The following SORCS2 variants were observed in gnomAD, a reference collection of about 807,000 sequenced individuals.
SORCS2 encodes the protein sortilin related VPS10 domain containing receptor 2.
A neutral mutation model predicts 141.6 loss-of-function variants in SORCS2; 100 were observed. The ratio of observed to expected loss-of-function variants is 0.71; its 90% CI spans 0.60 to 0.83. The LOEUF (loss-of-function observed/expected upper bound fraction) is 0.83. Among genes scored for constraint, SORCS2 ranks in the 40% least tolerant of loss-of-function variants. SORCS2 has a pLI of 0.00. For missense variants in SORCS2, 1,646 were observed against 1,560.2 expected (o/e 1.05, Z -0.93); for synonymous variants, 789 against 676.9 (o/e 1.17, Z -2.57).
chr4:7,739,832 A>T (rs1464608659), intron 26 of SORCS2, among the ~76,000 whole-genome samples: 1 of 151,708 alleles, frequency 6.6e-6, no homozygotes, highest in African/African-American at 2.4e-5. Context: ...GGGCCTCGCC[A>T]CTCTACGCCC....
At chr4:7,730,501 C>T (rs1475687615) in intron 23 of SORCS2, among the ~76,000 whole-genome samples, 1 of 152,218 alleles carries the variant, frequency 6.6e-6, no homozygotes, top group Non-Finnish European at 1.5e-5. Flanking sequence ...TGCTCATCGG[C>T]TGCTGAAGAA....
rs768479916 is a variant in SORCS2 at position 7,661,517 on chromosome 4, A to G, written c.905A>G (p.Asp302Gly). Residue 302 changes from aspartate to glycine, a missense_variant, in exon 6 of 27, where the codon GAC becomes GGC. By Grantham distance (94) the Asp-to-Gly change is moderately conservative. Coordinates refer to ENST00000507866, the MANE Select transcript of SORCS2 (RefSeq NM_020777.3). ...DHVFWSVSGV[D>G]ADPDLVHVEA... ...TTTTCCAGGTCTGTGTCTGGGGTGG[A>G]CGCTGACCCTGACTTGGTCCACGTG... The G allele has an allele frequency of 7.7e-6, 12 of 1,551,532 alleles. No individual in the cohort carries two copies. In the South Asian group the frequency reaches 1.3e-4, roughly 17 times the overall value.
In SORCS2 at chr4:7,704,230, C is replaced by G; in HGVS notation, c.1814C>G (p.Ser605Trp). 6.2e-7 allele frequency: 1 copy of G among 1,613,118 alleles called. No individual in the cohort carries two copies. Among genetic ancestry groups the G allele is most frequent in the Non-Finnish European group, 8.5e-7 (1 of 1,179,660 alleles). Residue 605 changes from serine (S) to tryptophan (W), a missense_variant, in exon 14 of 27, where the codon TCG (serine) becomes TGG (tryptophan). By Grantham distance (177) the Ser-to-Trp change is radical. Transcript: ENST00000507866. Reference sequence around the variant, plus strand: ...AGCACGCACAACTTCACCAGCACCTCGGTGTTTGTGGACGGGCTGCTGAGT... The same window carrying G: ...AGCACGCACAACTTCACCAGCACCTGGGTGTTTGTGGACGGGCTGCTGAGT... ...TWSTHNFTST[S>W]VFVDGLLSEP...
intron 2 of SORCS2, among the ~76,000 whole-genome samples, chr4:7,507,772 T>C (rs981161899): frequency 9.9e-5 from 15 of 152,222 alleles, no homozygotes; most frequent in African/African-American, 3.6e-4. Context: ...AGGCATGCTG[T>C]GTCTCTCATG....
At chr4:7,422,088 C>T (rs7694697) in intron 2 of SORCS2, among the ~76,000 whole-genome samples, 21,915 of 152,190 alleles carry the variant, frequency 0.14, 1,794 homozygotes, top group East Asian at 0.33. Flanking sequence ...CCCTGCATTT[C>T]GGAAAACCAA....
intron 23 of SORCS2, among the ~76,000 whole-genome samples, chr4:7,730,528 C>A (rs909468218): frequency 6.6e-6 from 1 of 152,208 alleles, no homozygotes; most frequent in Non-Finnish European, 1.5e-5. Context: ...TGTGGTCCAA[C>A]CTTACAATGG....
intron 9 of SORCS2, among the ~76,000 whole-genome samples, chr4:7,676,911 TCTCCCTC>T (rs1560475904): frequency 7.6e-5 from 2 of 26,212 alleles, no homozygotes; most frequent in African/African-American, 2.4e-4. Context: ...TCTCTCCCTC[TCTCCCTC>T]TCTCCCTCTC....
intron 3 of SORCS2, among the ~76,000 whole-genome samples, chr4:7,567,644 T>C (rs1715117746): frequency 6.6e-6 from 1 of 152,134 alleles, no homozygotes; most frequent in African/African-American, 2.4e-5. Flanking sequence ...TTCTCCACCA[T>C]AGAGTTTCTC....
rs746518441 is a variant in SORCS2, at chr4:7,654,223, C to T, written c.887+16C>T. The T allele has an allele frequency of 6.4e-7, 1 of 1,565,370 alleles. No homozygotes were observed. The highest frequency in any genetic ancestry group is 1.2e-5 in the South Asian group (1 of 85,086). ...ACGTGTTCTGGTGAGAGCACTTCCCCACCCCAAACCCATGGGGCCCGCAGC... is the reference window on the plus strand; with the variant it reads ...ACGTGTTCTGGTGAGAGCACTTCCCTACCCCAAACCCATGGGGCCCGCAGC... On this transcript the variant is annotated intron_variant, in intron 5 of 26. Coordinates refer to ENST00000507866, the MANE Select transcript of SORCS2 (RefSeq NM_020777.3).
chr4:7,381,099 G>C (rs1035760208), intron 1 of SORCS2, among the ~76,000 whole-genome samples: 1 of 115,652 alleles, frequency 8.6e-6, no homozygotes, highest in Non-Finnish European at 1.9e-5. Flanking sequence ...AAAAAAAAAA[G>C]GAGTGGGTTA....
intron 2 of SORCS2, among the ~76,000 whole-genome samples, chr4:7,516,065 G>T (rs28401245): frequency 0.055 from 8,318 of 152,268 alleles, 535 homozygotes; most frequent in African/African-American, 0.16. Context: ...GGGCACTGTG[G>T]TGCTCATTCA....
intron 1 of SORCS2, among the ~76,000 whole-genome samples, chr4:7,199,267 C>T (rs752850003): frequency 6.6e-6 from 1 of 152,154 alleles, no homozygotes; most frequent in Admixed American, 6.5e-5. Context: ...CAGAGAGCCC[C>T]AGGGATGCAA....
chr4:7,590,589 G>C (rs1164190279), intron 3 of SORCS2, among the ~76,000 whole-genome samples: 1 of 152,206 alleles, frequency 6.6e-6, no homozygotes, highest in Non-Finnish European at 1.5e-5. Flanking sequence ...CTGTGGGTGA[G>C]GATGGAGGTA....
chr4:7,650,510 G>A (rs1347211016), intron 4 of SORCS2, among the ~76,000 whole-genome samples: 1 of 152,238 alleles, frequency 6.6e-6, no homozygotes, highest in Non-Finnish European at 1.5e-5. Context: ...AAGGTCTCCT[G>A]CTGTGCACGG....
chr4:7,384,234 G>A (rs1192273309), intron 1 of SORCS2, among the ~76,000 whole-genome samples: 13 of 152,174 alleles, frequency 8.5e-5, no homozygotes, highest in Admixed American at 5.2e-4. Flanking sequence ...AATGCCTCTC[G>A]GTGCCTCAAC....
chr4:7,741,608 T>C lies in SORCS2; in HGVS notation c.*1344T>C, dbSNP rs535110445. ...TGGCTGGTGATGTGCTGGCTGGGGGTGAATCCCAATGAGGGTCCCTCTCAG... is the reference window on the plus strand; with the variant it reads ...TGGCTGGTGATGTGCTGGCTGGGGGCGAATCCCAATGAGGGTCCCTCTCAG... On this transcript the variant is annotated 3_prime_UTR_variant, in exon 27 of 27. Transcript: ENST00000507866. 30 of 198,216 alleles carry C rather than the reference T, an allele frequency of 1.5e-4. No homozygotes were observed. Among genetic ancestry groups the C allele is most frequent in the Admixed American group, 1.3e-3 (20 of 15,718 alleles). The allele number at this position is 198,216 out of a possible 1,614,324, so 12.3% of individuals were successfully genotyped here. A position where few individuals can be genotyped will look rare whatever the true frequency, so the allele number is the denominator to read the frequency against.
At chr4:7,320,702 C>G (rs1278143131) in intron 1 of SORCS2, among the ~76,000 whole-genome samples, 2 of 152,158 alleles carry the variant, frequency 1.3e-5, no homozygotes, top group Non-Finnish European at 2.9e-5. Flanking sequence ...AGGTGGGGCC[C>G]TTCCTGTCAC....
intron 1 of SORCS2, among the ~76,000 whole-genome samples, chr4:7,240,244 T>G (rs1712601245): frequency 1.3e-5 from 2 of 152,186 alleles, no homozygotes; most frequent in Admixed American, 1.3e-4. Flanking sequence ...CGGGTGTTGC[T>G]TGCACGTACC....
chr4:7,389,193 G>A (rs1490897648), intron 1 of SORCS2, among the ~76,000 whole-genome samples: 1 of 152,200 alleles, frequency 6.6e-6, no homozygotes, highest in African/African-American at 2.4e-5. Flanking sequence ...TGTCTGGCTG[G>A]AGGTCTTCGT....
Sources: gnomAD v4.1 joint callset for allele counts (sites outside exome capture counted in the v4.1 genomes callset) on GRCh38, gnomAD v4.1.1 for gene constraint, MANE v1.5 for transcripts, NCBI Gene and HGNC (gene_info 2026-07-23, HGNC 2026-07-21) for gene names.